The following RNF38 variants were observed in gnomAD, a reference collection of about 807,000 sequenced individuals.
The protein encoded by RNF38 is ring finger protein 38.
A neutral mutation model predicts 67.2 loss-of-function variants in RNF38; 15 were observed. The observed-to-expected ratio is 0.22, with a 90% CI of 0.15 to 0.34. The LOEUF (loss-of-function observed/expected upper bound fraction) is 0.34. RNF38 is among the 10% of genes least tolerant of loss of function. The pLI is 1.00. For synonymous variants in RNF38, 220 were observed against 218.8 expected, an observed-to-expected ratio of 1.01 and a Z score of -0.05; for missense variants, 524 against 639.9, an observed-to-expected ratio of 0.82 and a Z score of 1.95.
chr9:36,428,127 A>G (rs1838835583), intron 1 of RNF38, among the ~76,000 whole-genome samples: 1 of 151,994 alleles, frequency 6.6e-6, no homozygotes, highest in Non-Finnish European at 1.5e-5. Context: ...ACTACAATAA[A>G]AAAATGAGGC....
At chr9:36,473,266 G>C (rs1840039971) in intron 1 of RNF38, among the ~76,000 whole-genome samples, 1 of 151,576 alleles carries the variant, frequency 6.6e-6, no homozygotes, top group South Asian at 2.1e-4. Flanking sequence ...TTCAAGTCCA[G>C]CCTGGACAAC....
At chr9:36,485,001 C>G (rs531187041) in intron 1 of RNF38, among the ~76,000 whole-genome samples, 1 of 152,156 alleles carries the variant, frequency 6.6e-6, no homozygotes, top group East Asian at 1.9e-4. Context: ...CCCGTCTCTA[C>G]TAAAAATACA....
intron 2 of RNF38, 28 bp from the exon 3 acceptor site, chr9:36,376,155 G>A (rs1835770396): frequency 6.7e-7 from 1 of 1,500,660 alleles, no homozygotes; most frequent in African/African-American, 1.4e-5. Flanking sequence ...TGGATCAACT[G>A]AGTAAGATCT....
chr9:36,364,907 C>G (rs934371324), intron 4 of RNF38, among the ~76,000 whole-genome samples: 3 of 152,164 alleles, frequency 2.0e-5, no homozygotes, highest in South Asian at 2.1e-4. Context: ...AATAATTGGT[C>G]TAGACCTTAA....
chr9:36,487,147 T>C (rs1397270660), intron 1 of RNF38, among the ~76,000 whole-genome samples: 1 of 152,084 alleles, frequency 6.6e-6, no homozygotes, highest in Non-Finnish European at 1.5e-5. Flanking sequence ...TCGGCGCGGC[T>C]GAGGCGCAGG....
At chr9:36,351,018 G>A (rs1047182576) in intron 9 of RNF38, 97 bp downstream of exon 9, 27 of 815,328 alleles carry the variant, frequency 3.3e-5, no homozygotes. Flanking sequence ...GGCCCAGGAA[G>A]CCAAAAGATT....
At chr9:36,442,267 T>A (rs1228755019) in intron 1 of RNF38, among the ~76,000 whole-genome samples, 2 of 152,174 alleles carry the variant, frequency 1.3e-5, no homozygotes, top group Non-Finnish European at 2.9e-5. Context: ...CATCCCTCAA[T>A]ATCCAACTCA....
At chr9:36,432,142 G>GT (rs72305311) in intron 1 of RNF38, among the ~76,000 whole-genome samples, 28,405 of 148,138 alleles carry the variant, frequency 0.19, 3,158 homozygotes, top group Non-Finnish European at 0.26. Flanking sequence ...AGTTTTTTTT[G>GT]TTTTTTTTTT....
intron 4 of RNF38, among the ~76,000 whole-genome samples, chr9:36,362,261 G>C (rs1187114172): frequency 6.6e-6 from 1 of 151,796 alleles, no homozygotes; most frequent in Non-Finnish European, 1.5e-5. Flanking sequence ...GGGAGGCTGA[G>C]GCAGGAGAAT....
chr9:36,349,720 C>T lies in RNF38; in HGVS notation c.1263+1395G>A, dbSNP rs540604721. ...CCATGGCCAATATCGAGGAGCTTTT[C>T]CCCTGTTTTCTTTCAGCACTTTTAT... On this transcript the variant is annotated intron_variant, in intron 9 of 11. Transcript: ENST00000259605. Among the ~76,000 whole-genome samples, 3 of 152,202 alleles carry T rather than the reference C, an allele frequency of 2.0e-5. No homozygotes were observed. In the East Asian group the frequency reaches 5.8e-4, roughly 29 times the overall value.
At position 36,425,977 on chromosome 9, in the gene RNF38, T is replaced by A. The variant is rs1375055424; in HGVS notation, n.242-1294A>T. Among the ~76,000 whole-genome samples, 5 of 152,212 alleles carry A rather than the reference T, an allele frequency of 3.3e-5. No individual in the cohort carries two copies. The South Asian group carries it at 6.2e-4, about 19-fold the overall frequency. On this transcript the variant is annotated intron_variant and non_coding_transcript_variant, in intron 1 of 3. Transcript: ENST00000488058. ...TCCCAAAGTGCTAGGATTGCAGGCG[T>A]GAGCCACCCACCTGGCCTCAGACAG...
intron 1 of RNF38, among the ~76,000 whole-genome samples, chr9:36,393,797 GC>G (rs1837321196): frequency 6.6e-6 from 1 of 152,076 alleles, no homozygotes; most frequent in Non-Finnish European, 1.5e-5. Flanking sequence ...AGATTCTCTT[GC>G]CAATTCTTCA....
chr9:36,351,963 C>A (rs925224752), intron 8 of RNF38, among the ~76,000 whole-genome samples: 1 of 152,162 alleles, frequency 6.6e-6, no homozygotes. Flanking sequence ...ACGAAATCAT[C>A]GTTGAGCTGC....
chr9:36,452,378 C>G (rs1343491742), intron 1 of RNF38, among the ~76,000 whole-genome samples: 1 of 151,390 alleles, frequency 6.6e-6, no homozygotes, highest in Non-Finnish European at 1.5e-5. Flanking sequence ...TCCTCCAGCC[C>G]TAGATAATCA....
At chr9:36,446,321 A>T (rs1186381890) in intron 1 of RNF38, among the ~76,000 whole-genome samples, 1 of 152,240 alleles carries the variant, frequency 6.6e-6, no homozygotes, top group African/African-American at 2.4e-5. Flanking sequence ...TATAAACAGC[A>T]AGGCTTCTCC....
chr9:36,421,693 A>G (rs544589195), intron 2 of RNF38, among the ~76,000 whole-genome samples: 9 of 152,124 alleles, frequency 5.9e-5, no homozygotes, highest in Non-Finnish European at 1.2e-4. Flanking sequence ...TAAAATAAAA[A>G]TAAAAAGCAG....
chr9:36,400,908 CGCCGCG>C, upstream of RNF38: 1 of 924,022 alleles, frequency 1.1e-6, no homozygotes, highest in Non-Finnish European at 1.3e-6. Flanking sequence ...CTCCCCGCCC[CGCCGCG>C]CCCCGCCGCA....
At position 36,455,103 on chromosome 9, in the gene RNF38, T is replaced by C. The variant is rs906998910; in HGVS notation, n.242-30420A>G. On this transcript the variant is annotated intron_variant and non_coding_transcript_variant, in intron 1 of 3. Coordinates refer to the RNF38 transcript ENST00000488058. ...GAGACACAGTCTCATTCTGTCGCCA[T>C]GTGCAGAGTGCGGTGGTGCGATCTT... is the stretch of plus-strand genomic sequence containing the variant. Among the ~76,000 whole-genome samples, 4 of 151,510 alleles carry C rather than the reference T, an allele frequency of 2.6e-5. No homozygotes were observed. The South Asian group carries it at 6.3e-4, about 24-fold the overall frequency.
chr9:36,471,161 C>A (rs1343186870), intron 1 of RNF38, among the ~76,000 whole-genome samples: 1 of 152,166 alleles, frequency 6.6e-6, no homozygotes, highest in Non-Finnish European at 1.5e-5. Context: ...CAACATAGCC[C>A]CCTCAGTTTC....
Sources: allele counts gnomAD v4.1 joint callset (sites outside exome capture counted in the v4.1 genomes callset), GRCh38; gene constraint gnomAD v4.1.1; transcripts MANE v1.5; gene names NCBI Gene and HGNC (gene_info 2026-07-23, HGNC 2026-07-21).